TRAPPC10: variants seen among roughly 807,000 people sequenced by gnomAD.
The protein encoded by TRAPPC10 is trafficking protein particle complex subunit 10, also known as TRAPP 130 kDa subunit.
A neutral mutation model predicts 125.5 loss-of-function variants in TRAPPC10; 23 were observed. The ratio of observed to expected loss-of-function variants is 0.18; its 90% CI spans 0.13 to 0.26. The LOEUF is 0.26. Ranked by LOEUF, TRAPPC10 falls within the 10% of genes least tolerant of loss-of-function variation. The probability of loss-of-function intolerance (pLI) is 1.00; values close to 1 mark genes in which losing one functional copy is unlikely to be tolerated. For missense variants in TRAPPC10, 1,123 were observed against 1,308.4 expected (o/e 0.86, Z 2.19); for synonymous variants, 509 against 518.0 (o/e 0.98, Z 0.24).
intron 1 of TRAPPC10, among the ~76,000 whole-genome samples, chr21:44,030,221 T>C (rs2033449460): frequency 6.6e-6 from 1 of 151,326 alleles, no homozygotes; most frequent in African/African-American, 2.4e-5. Context: ...ATTGCAAAGA[T>C]AGAATGTGAG....
chr21:44,063,865 G>A lies in TRAPPC10; in HGVS notation c.1038+80G>A. On this transcript the variant is annotated intron_variant, in intron 7 of 22. Coordinates refer to ENST00000291574, the MANE Select transcript of TRAPPC10 (RefSeq NM_003274.5). The surrounding 1 kb of genome is among the most constrained non-coding windows in gnomAD (Gnocchi z 4.4). ...TCTGAACCTTGAGATCCCAGGCATT[G>A]AACTGTTTGTGCTTAAGAAAGGGTT... The A allele has an allele frequency of 6.5e-7, 1 of 1,530,024 alleles. No homozygotes were observed. The highest frequency in any genetic ancestry group is 8.8e-7 in the Non-Finnish European group (1 of 1,141,820). 94.8% of individuals were successfully genotyped at this position (1,530,024 alleles called of 1,614,324 possible). A position where few individuals can be genotyped will look rare whatever the true frequency, so the allele number is the denominator to read the frequency against.
chr21:44,079,973 C>G (rs1388982211), intron 12 of TRAPPC10, 42 bp from the exon 13 acceptor site: 2 of 1,567,784 alleles, frequency 1.3e-6, no homozygotes, highest in African/African-American at 2.7e-5. Context: ...CCCCGCACTC[C>G]TAAGTATGAG....
chr21:44,032,039 G>T, intron 1 of TRAPPC10, 52 bp from the exon 2 acceptor site: 2 of 1,443,256 alleles, frequency 1.4e-6, no homozygotes, highest in Admixed American at 1.8e-5. Flanking sequence ...GAGCCATTTT[G>T]CATGTATTCA....
chr21:44,061,297 C>T (rs554252277), intron 6 of TRAPPC10, among the ~76,000 whole-genome samples: 5 of 152,164 alleles, frequency 3.3e-5, no homozygotes, highest in Admixed American at 6.5e-5. Flanking sequence ...CCACCAAGCC[C>T]GGCTAATTTT....
intron 7 of TRAPPC10, among the ~76,000 whole-genome samples, chr21:44,072,756 G>A (rs554494333): frequency 2.0e-5 from 3 of 152,298 alleles, no homozygotes; most frequent in South Asian, 2.1e-4. Flanking sequence ...GAGCCACCGC[G>A]CCCGGCCTCT....
intron 3 of TRAPPC10, among the ~76,000 whole-genome samples, chr21:44,042,005 C>T (rs1278558629): frequency 6.6e-6 from 1 of 152,174 alleles, no homozygotes; most frequent in African/African-American, 2.4e-5. Flanking sequence ...AACCACGGCG[C>T]CCAGCCCCCA....
intron 7 of TRAPPC10, among the ~76,000 whole-genome samples, chr21:44,068,144 C>G (rs1467564772): frequency 2.0e-5 from 3 of 151,012 alleles, no homozygotes; most frequent in Non-Finnish European, 1.5e-5. Flanking sequence ...AGGACTCATT[C>G]ACTTATCAGA....
At chr21:44,026,672 AT>A (rs1296395271) in intron 1 of TRAPPC10, among the ~76,000 whole-genome samples, 1 of 152,216 alleles carries the variant, frequency 6.6e-6, no homozygotes, top group Admixed American at 6.5e-5. Flanking sequence ...TAAATTATAC[AT>A]TTCCTTTGAC....
intron 7 of TRAPPC10, 103 bp from the exon 8 acceptor site, chr21:44,074,221 G>A (rs549762594): frequency 2.1e-6 from 3 of 1,442,252 alleles, no homozygotes; most frequent in South Asian, 2.5e-5. Flanking sequence ...GTGGCTGCTT[G>A]AAGGATGGAG....
intron 7 of TRAPPC10, among the ~76,000 whole-genome samples, chr21:44,072,203 G>C (rs532102450): frequency 1.3e-5 from 2 of 152,336 alleles, no homozygotes; most frequent in South Asian, 4.1e-4. Flanking sequence ...GGTATCATTT[G>C]GGAGCCTTTC....
rs766788899 is a variant in TRAPPC10 at position 44,012,577 on chromosome 21, G to T, written c.67+17G>T. ...TCGTCACCTGTGAGTGCCCGGAGGC[G>T]GGGAGGGCGCGGCGGTCGTTGGGCG... On this transcript the variant is annotated intron_variant, in intron 1 of 22. Transcript: ENST00000291574. 1.1e-5 allele frequency: 17 copies of T among 1,530,820 alleles called. No individual in the cohort carries two copies. Among genetic ancestry groups the T allele is most frequent in the Non-Finnish European group, 1.5e-5 (17 of 1,136,082 alleles). 94.8% of individuals were successfully genotyped at this position (1,530,820 alleles called of 1,614,324 possible). A position where few individuals can be genotyped will look rare whatever the true frequency, so the allele number is the denominator to read the frequency against.
At chr21:44,078,946 T>TA (rs2037478282) in intron 11 of TRAPPC10, among the ~76,000 whole-genome samples, 2 of 151,912 alleles carry the variant, frequency 1.3e-5, no homozygotes, top group African/African-American at 2.4e-5. Context: ...ACCCCATCTT[T>TA]AAAAAAAACA....
intron 2 of TRAPPC10, among the ~76,000 whole-genome samples, chr21:44,033,736 G>A (rs1053011674): frequency 6.6e-6 from 1 of 152,128 alleles, no homozygotes; most frequent in Non-Finnish European, 1.5e-5. Context: ...GGTGGTGCAC[G>A]CCTGTAGTCC....
At chr21:44,013,671 A>G (rs1340545339) in intron 1 of TRAPPC10, among the ~76,000 whole-genome samples, 1 of 152,158 alleles carries the variant, frequency 6.6e-6, no homozygotes, top group East Asian at 1.9e-4. Flanking sequence ...TTTAGGTGAT[A>G]GACTTATTTC....
chr21:44,081,017 C>CTTTTTTTTTTT (rs67865929), intron 13 of TRAPPC10, among the ~76,000 whole-genome samples: 381 of 97,178 alleles, frequency 3.9e-3, no homozygotes, highest in Non-Finnish European at 5.3e-3. Context: ...TTTTTTTTTT[C>CTTTTTTTTTTT]TTTTTTTTTT....
rs2035562880 is a variant in TRAPPC10, at chr21:44,056,055, A to T, written c.678+162A>T. The stretch of plus-strand genomic sequence containing the variant: ...TGGAATATCTTTAGGACTAGAAAGG[A>T]AGTGTATGGAAGCAGATGGGGCATG... On this transcript the variant is annotated intron_variant, in intron 5 of 22. Coordinates refer to ENST00000291574, the MANE Select transcript of TRAPPC10 (RefSeq NM_003274.5). Among the ~76,000 whole-genome samples the T allele has an allele frequency of 2.6e-5, 4 of 152,120 alleles. No individual in the cohort carries two copies. In the South Asian group the frequency reaches 8.3e-4, roughly 32 times the overall value.
intron 13 of TRAPPC10, among the ~76,000 whole-genome samples, chr21:44,080,720 G>T (rs1439022098): frequency 6.6e-6 from 1 of 151,934 alleles, no homozygotes; most frequent in Non-Finnish European, 1.5e-5. Context: ...TGTATTTTTA[G>T]TAGAGACAGT....
At chr21:44,042,298 T>C (rs943330579) in intron 3 of TRAPPC10, among the ~76,000 whole-genome samples, 5 of 152,158 alleles carry the variant, frequency 3.3e-5, no homozygotes, top group African/African-American at 1.2e-4. Context: ...GGAATTTTTC[T>C]CTGGTTACTA....
chr21:44,070,375 G>A (rs1440247647), intron 7 of TRAPPC10, among the ~76,000 whole-genome samples: 1 of 152,242 alleles, frequency 6.6e-6, no homozygotes, highest in African/African-American at 2.4e-5. Flanking sequence ...TATCCAGATG[G>A]CCAAGAGGTA....
Sources: gnomAD v4.1 joint callset for allele counts (sites outside exome capture counted in the v4.1 genomes callset) on GRCh38, gnomAD v4.1.1 for gene constraint, Gnocchi (gnomAD v3.1) non-coding constraint, MANE v1.5 for transcripts, NCBI Gene and HGNC (gene_info 2026-07-23, HGNC 2026-07-21) for gene names.